ST6GALNAC5: variants seen among roughly 807,000 people sequenced by gnomAD.
ST6GALNAC5 encodes the protein ST6 N-acetylgalactosaminide alpha-2,6-sialyltransferase 5, also known as alpha-N-acetylgalactosaminide alpha-2,6-sialyltransferase 5.
In ST6GALNAC5, 27 loss-of-function variants were observed where a neutral mutation model predicts 33.6. The ratio of observed to expected loss-of-function variants is 0.80; its 90% CI spans 0.59 to 1.11. The LOEUF is 1.11. Ranked by LOEUF, ST6GALNAC5 falls within the 50% of genes least tolerant of loss-of-function variation. The pLI is 0.00. For missense variants in ST6GALNAC5, 428 were observed against 454.0 expected (o/e 0.94, Z 0.52); for synonymous variants, 194 against 171.2 (o/e 1.13, Z -1.04).
intron 2 of ST6GALNAC5, among the ~76,000 whole-genome samples, chr1:76,879,548 C>T (rs989809857): frequency 4.6e-5 from 7 of 152,174 alleles, no homozygotes; most frequent in Non-Finnish European, 8.8e-5. Flanking sequence ...CTCTAGGGGT[C>T]CACTGGGACT....
chr1:77,001,495 G>C (rs1024154404), intron 2 of ST6GALNAC5, among the ~76,000 whole-genome samples: 6 of 137,674 alleles, frequency 4.4e-5, no homozygotes, highest in African/African-American at 1.1e-4. Context: ...TCCTTCTCCT[G>C]CCTAATTGCC....
chr1:76,912,990 G>A (rs1403248239), intron 2 of ST6GALNAC5, among the ~76,000 whole-genome samples: 1 of 152,064 alleles, frequency 6.6e-6, no homozygotes, highest in African/African-American at 2.4e-5. Context: ...TTGCTCATTA[G>A]TTGATGCAGT....
In ST6GALNAC5 at chr1:77,064,906, C is replaced by T. The variant is rs760279055; in HGVS notation, c.*1700C>T. 1.2e-4 allele frequency: 19 copies of T among 152,074 alleles called. No individual in the cohort carries two copies. The highest frequency in any genetic ancestry group is 2.9e-4 in the African/African-American group (12 of 41,424). 9.4% of individuals were successfully genotyped at this position (152,074 alleles called of 1,614,324 possible). On this transcript the variant is annotated 3_prime_UTR_variant, in exon 5 of 5. Transcript: ENST00000477717. ...ACACTAACTAGTACTATTAATTACA[C>T]GGAGTATTGTTGTTAAAATGCAAAC...
At chr1:76,915,531 C>A (rs1023713460) in intron 2 of ST6GALNAC5, among the ~76,000 whole-genome samples, 142 of 152,170 alleles carry the variant, frequency 9.3e-4, no homozygotes, top group African/African-American at 3.2e-3. Flanking sequence ...TGATGAGTTC[C>A]TGTCCTTTGT....
At chr1:77,030,630 C>A (rs1651417206) in intron 2 of ST6GALNAC5, among the ~76,000 whole-genome samples, 1 of 152,198 alleles carries the variant, frequency 6.6e-6, no homozygotes, top group South Asian at 2.1e-4. Context: ...AGCCATGAGT[C>A]AGGCTCCTGA....
At chr1:76,978,472 A>AG (rs1649115653) in intron 2 of ST6GALNAC5, among the ~76,000 whole-genome samples, 1 of 152,240 alleles carries the variant, frequency 6.6e-6, no homozygotes, top group African/African-American at 2.4e-5. Context: ...ATGGTTCAAT[A>AG]TATGGAAGTT....
intron 2 of ST6GALNAC5, among the ~76,000 whole-genome samples, chr1:77,033,586 T>C (rs566929211): frequency 1.4e-5 from 2 of 145,902 alleles, no homozygotes; most frequent in South Asian, 4.2e-4. Flanking sequence ...GTTGAACACT[T>C]AGTCGTGTTA....
intron 2 of ST6GALNAC5, among the ~76,000 whole-genome samples, chr1:76,894,347 C>CCTCA (rs1396202328): frequency 6.6e-6 from 1 of 152,164 alleles, no homozygotes; most frequent in Non-Finnish European, 1.5e-5. Context: ...ACACCGCACA[C>CCTCA]CTGCCACCAC....
At chr1:76,933,065 CT>C (rs1372718854) in intron 2 of ST6GALNAC5, among the ~76,000 whole-genome samples, 1 of 152,036 alleles carries the variant, frequency 6.6e-6, no homozygotes, top group African/African-American at 2.4e-5. Flanking sequence ...CATTATATTT[CT>C]TAGAGGTAGC....
chr1:76,934,538 A>T (rs868737014), intron 2 of ST6GALNAC5, among the ~76,000 whole-genome samples: 2 of 152,142 alleles, frequency 1.3e-5, no homozygotes, highest in South Asian at 4.1e-4. Context: ...GCAATTTCAC[A>T]TATTGTCTGC....
chr1:76,985,977 C>A (rs1028324252), intron 2 of ST6GALNAC5, among the ~76,000 whole-genome samples: 1 of 152,070 alleles, frequency 6.6e-6, no homozygotes, highest in Non-Finnish European at 1.5e-5. Context: ...AAATTGGATC[C>A]CTTCCTTATA....
intron 2 of ST6GALNAC5, among the ~76,000 whole-genome samples, chr1:77,009,165 TAG>T (rs900618765): frequency 6.6e-6 from 1 of 152,144 alleles, no homozygotes; most frequent in Non-Finnish European, 1.5e-5. Context: ...TTAGAGGTGT[TAG>T]AGAGCCCCAG....
Position 77,044,413 on chromosome 1 carries a change from T to C in ST6GALNAC5, c.471T>C (p.His157=). ...TCCAGAGGATCCTCCGCAACCGCCATGACCTGCTCAACGTGAGCCAGGGCA... is the reference window on the plus strand; with the variant it reads ...TCCAGAGGATCCTCCGCAACCGCCACGACCTGCTCAACGTGAGCCAGGGCA... The part of the protein sequence containing the change: ...SSIQRILRNR[H]DLLNVSQGTV... Residue 157 remains histidine (H), a synonymous_variant, in exon 3 of 5, where the codon CAT becomes CAC. Transcript: ENST00000477717. The C allele has an allele frequency of 6.2e-7, 1 of 1,613,556 alleles. No individual in the cohort carries two copies. Among genetic ancestry groups the C allele is most frequent in the Non-Finnish European group, 8.5e-7 (1 of 1,179,744 alleles).
chr1:76,970,603 G>C (rs559593300), intron 2 of ST6GALNAC5, among the ~76,000 whole-genome samples: 60 of 152,144 alleles, frequency 3.9e-4, no homozygotes, highest in Admixed American at 3.3e-4. Context: ...AAAGTGACGG[G>C]GAGAGGGGAA....
At chr1:76,958,419 C>T (rs1648091929) in intron 2 of ST6GALNAC5, among the ~76,000 whole-genome samples, 1 of 152,134 alleles carries the variant, frequency 6.6e-6, no homozygotes, top group South Asian at 2.1e-4. Flanking sequence ...TGTTTTGACT[C>T]TCATTTTCTA....
At chr1:76,882,970 T>C (rs1653816496) in intron 2 of ST6GALNAC5, among the ~76,000 whole-genome samples, 2 of 152,132 alleles carry the variant, frequency 1.3e-5, no homozygotes, top group Admixed American at 1.3e-4. Context: ...GCACATACCT[T>C]GCTGTTTTGT....
chr1:76,988,222 G>A (rs114937031), intron 2 of ST6GALNAC5, among the ~76,000 whole-genome samples: 1,920 of 152,094 alleles, frequency 0.013, 38 homozygotes, highest in African/African-American at 0.044. Flanking sequence ...TCCAGAAGTT[G>A]TGACTGGTTT....
intron 2 of ST6GALNAC5, among the ~76,000 whole-genome samples, chr1:76,900,317 T>C (rs985572858): frequency 7.3e-5 from 11 of 151,402 alleles, no homozygotes; most frequent in African/African-American, 1.9e-4. Flanking sequence ...AAGGCAGGAA[T>C]CGGCCATCTG....
intron 2 of ST6GALNAC5, among the ~76,000 whole-genome samples, chr1:76,965,221 C>G (rs908603904): frequency 4.0e-5 from 6 of 150,774 alleles, no homozygotes; most frequent in Non-Finnish European, 7.4e-5. Context: ...TACCACCCCC[C>G]CCACCAACAG....
Sources: allele counts gnomAD v4.1 joint callset (sites outside exome capture counted in the v4.1 genomes callset), GRCh38; gene constraint gnomAD v4.1.1; transcripts MANE v1.5; gene names NCBI Gene and HGNC (gene_info 2026-07-23, HGNC 2026-07-21).